Variants in DNAH7 observed in about 807,000 individuals in gnomAD.
DNAH7 encodes the protein axonemal beta dynein heavy chain 7.
A neutral mutation model predicts 444.6 loss-of-function variants in DNAH7; 397 were observed. That is an observed-to-expected ratio of 0.89 (90% CI 0.82 to 0.97). The LOEUF (loss-of-function observed/expected upper bound fraction) is 0.97, where lower values mean the gene tolerates loss of function less well. Ranked by LOEUF, DNAH7 falls within the 50% of genes least tolerant of loss-of-function variation. DNAH7 has a pLI of 0.00. For missense variants in DNAH7, 4,902 were observed against 4,800.8 expected (o/e 1.02, Z -0.62); for synonymous variants, 1,636 against 1,624.4 (o/e 1.01, Z -0.17).
chr2:195,828,610 A>ATATAT (rs1221447006), intron 48 of DNAH7, among the ~76,000 whole-genome samples: 5 of 135,116 alleles, frequency 3.7e-5, no homozygotes, highest in African/African-American at 1.4e-4. Context: ...ATATATATAT[A>ATATAT]TTTTTTTTTT....
intron 27 of DNAH7, 82 bp from the exon 28 acceptor site, chr2:195,900,576 A>C: frequency 3.9e-6 from 5 of 1,296,844 alleles, no homozygotes; most frequent in Non-Finnish European, 5.5e-6. Context: ...ACACGCTCTC[A>C]CTAATATGTG....
At chr2:196,027,184 A>T (rs924945795) in intron 6 of DNAH7, among the ~76,000 whole-genome samples, 5 of 152,252 alleles carry the variant, frequency 3.3e-5, no homozygotes, top group Non-Finnish European at 5.9e-5. Flanking sequence ...AAGTTATATT[A>T]CCAAATATAT....
chr2:195,813,253 A>T (rs145531036), intron 51 of DNAH7, among the ~76,000 whole-genome samples: 2 of 152,334 alleles, frequency 1.3e-5, no homozygotes, highest in African/African-American at 4.8e-5. Context: ...AAGAGACTCA[A>T]TTCTTTATGT....
At chr2:195,914,017 G>T (rs980292103) in intron 24 of DNAH7, among the ~76,000 whole-genome samples, 7 of 152,254 alleles carry the variant, frequency 4.6e-5, no homozygotes, top group Middle Eastern at 3.4e-3. Flanking sequence ...CCAAGTCGCA[G>T]ATCTTTTATT....
chr2:195,834,528 T>C (rs1208403167), intron 47 of DNAH7, 168 bp from the exon 48 acceptor site: 9 of 595,154 alleles, frequency 1.5e-5, no homozygotes, highest in Middle Eastern at 5.0e-4. Flanking sequence ...GTAGATTGAG[T>C]GGGCTACCTG....
At chr2:195,984,842 A>G in intron 14 of DNAH7, 132 bp from the exon 15 acceptor site, 1 of 771,824 alleles carries the variant, frequency 1.3e-6, no homozygotes, top group Non-Finnish European at 2.1e-6. Context: ...GACATCTAAT[A>G]ATTAAAAGCA....
chr2:195,896,815 A>G (rs1702346362), intron 29 of DNAH7, among the ~76,000 whole-genome samples: 1 of 152,172 alleles, frequency 6.6e-6, no homozygotes, highest in East Asian at 1.9e-4. Flanking sequence ...TCAACTCTAA[A>G]TACTAAGTAA....
intron 25 of DNAH7, among the ~76,000 whole-genome samples, chr2:195,909,412 T>C (rs16841934): frequency 0.058 from 8,894 of 152,170 alleles, 432 homozygotes; most frequent in African/African-American, 0.14. Flanking sequence ...TATAGGTTTA[T>C]AGGCAGGGAC....
chr2:195,978,846 T>C (rs986090945), intron 15 of DNAH7, among the ~76,000 whole-genome samples: 1 of 152,124 alleles, frequency 6.6e-6, no homozygotes, highest in African/African-American at 2.4e-5. Flanking sequence ...TGTGTAATGA[T>C]ATAGGGGCTG....
chr2:196,025,020 T>C (rs1036559004), intron 7 of DNAH7, among the ~76,000 whole-genome samples: 4 of 152,206 alleles, frequency 2.6e-5, no homozygotes, highest in Non-Finnish European at 5.9e-5. Flanking sequence ...ACGATTTACA[T>C]AGCATGTACA....
chr2:195,768,964 A>T (rs1279371647), intron 61 of DNAH7, among the ~76,000 whole-genome samples: 1 of 152,178 alleles, frequency 6.6e-6, no homozygotes, highest in Non-Finnish European at 1.5e-5. Flanking sequence ...GTGATATAAA[A>T]TTGTCCCAGT....
intron 46 of DNAH7, among the ~76,000 whole-genome samples, chr2:195,848,098 G>A (rs1357277547): frequency 6.6e-6 from 1 of 152,222 alleles, no homozygotes; most frequent in Non-Finnish European, 1.5e-5. Context: ...CAGCCTCTGG[G>A]TTGATGAGGG....
intron 13 of DNAH7, 69 bp downstream of exon 13, chr2:195,987,888 A>G: frequency 7.2e-7 from 1 of 1,393,486 alleles, no homozygotes; most frequent in South Asian, 1.4e-5. Flanking sequence ...TTCTAAAAAT[A>G]CATCCTAATA....
Position 195,888,799 on chromosome 2 carries a change from A to G in DNAH7, c.5229T>C (p.Thr1743=), listed in dbSNP as rs755063581. 1 of 1,609,482 alleles carries G rather than the reference A, an allele frequency of 6.2e-7. No individual in the cohort carries two copies. The highest frequency in any genetic ancestry group is 8.5e-7 in the Non-Finnish European group (1 of 1,178,338). ...PMDLEVASPA[T]VSRCGMIYME... is the part of the protein sequence containing the mutation. ...AAAGATGTCAAAATGGAGAACTTAC[A>G]GTGGCAGGGGAAGCAACTTCTAAAT... Residue 1743 remains threonine (T), a splice_region_variant and synonymous_variant, in exon 32 of 65, where the codon ACT becomes ACC. Coordinates refer to ENST00000312428, the MANE Select transcript of DNAH7 (RefSeq NM_018897.3).
chr2:195,903,856 CTG>C (rs967001001), intron 27 of DNAH7: 3 of 152,226 alleles, frequency 2.0e-5, no homozygotes, highest in Middle Eastern at 3.4e-3. Flanking sequence ...CACCCAAGTT[CTG>C]TGAGAGCTTG....
rs768848176 is a variant in DNAH7 at position 195,960,415 on chromosome 2, C to T, written c.2736G>A (p.Trp912Ter). The change falls in exon 18 of 65, where the codon TGG becomes TGA. Residue 912 changes from tryptophan (W) to a stop codon, truncating the protein, a stop_gained. Coordinates refer to ENST00000312428, the MANE Select transcript of DNAH7 (RefSeq NM_018897.3). LOFTEE classifies it high-confidence loss of function. Reference sequence around the variant, plus strand: ...AATGGATGACAAATTCCACTGCATCCCACTCAGTAATCATCTTCTCCATCG... The same window carrying T: ...AATGGATGACAAATTCCACTGCATCTCACTCAGTAATCATCTTCTCCATCG... Reference protein sequence around the residue: ...EKAMEKMITEWDAVEFVIHSY... With the variant: ...EKAMEKMITE 1.2e-6 allele frequency: 2 copies of T among 1,614,028 alleles called. No homozygotes were observed. The highest frequency in any genetic ancestry group is 1.7e-6 in the Non-Finnish European group (2 of 1,180,014).
chr2:195,784,685 T>G (rs73062130), intron 58 of DNAH7, among the ~76,000 whole-genome samples: 2 of 152,160 alleles, frequency 1.3e-5, no homozygotes, highest in South Asian at 2.1e-4. Context: ...GTATCTTCCA[T>G]AGTGGCTGTA....
intron 22 of DNAH7, among the ~76,000 whole-genome samples, chr2:195,926,102 C>T (rs1688314393): frequency 6.6e-6 from 1 of 152,002 alleles, no homozygotes; most frequent in Non-Finnish European, 1.5e-5. Flanking sequence ...TCCTGCTAAT[C>T]TTTATGAGTT....
intron 58 of DNAH7, among the ~76,000 whole-genome samples, chr2:195,779,949 A>T (rs181082955): frequency 7.8e-4 from 119 of 152,278 alleles, no homozygotes; most frequent in African/African-American, 2.8e-3. Context: ...CTCTTTTATA[A>T]ACTGACTTTT....
Sources: gnomAD v4.1 joint callset for allele counts (sites outside exome capture counted in the v4.1 genomes callset) on GRCh38, gnomAD v4.1.1 for gene constraint, MANE v1.5 for transcripts, NCBI Gene and HGNC (gene_info 2026-07-23, HGNC 2026-07-21) for gene names.